Variants in OTUD7A observed in about 807,000 individuals in gnomAD.
The protein encoded by OTUD7A is OTU deubiquitinase 7A.
OTUD7A carries 12 observed loss-of-function variants against 65.7 expected under a neutral mutation model. That is an observed-to-expected ratio of 0.18 (90% CI 0.12 to 0.30). The LOEUF is 0.30. OTUD7A is among the 10% of genes least tolerant of loss of function. The probability of loss-of-function intolerance (pLI) is 1.00; values close to 1 mark genes in which losing one functional copy is unlikely to be tolerated. For synonymous variants in OTUD7A, 641 were observed against 586.3 expected (o/e 1.09, Z -1.35); for missense variants, 1,148 against 1,304.8 (o/e 0.88, Z 1.85).
At chr15:31,542,851 G>C (rs1161460503) in intron 5 of OTUD7A, among the ~76,000 whole-genome samples, 2 of 151,254 alleles carry the variant, frequency 1.3e-5, no homozygotes, top group East Asian at 1.9e-4. Flanking sequence ...TCAATGTGCT[G>C]AATGAAAATA....
chr15:31,561,761 ATC>A (rs942928201), intron 4 of OTUD7A, among the ~76,000 whole-genome samples: 3 of 139,820 alleles, frequency 2.1e-5, no homozygotes, highest in Non-Finnish European at 4.6e-5. Flanking sequence ...CACACATATC[ATC>A]TCTCTCACAC....
At chr15:31,822,124 A>G (rs1896697671) in intron 1 of OTUD7A, among the ~76,000 whole-genome samples, 2 of 152,206 alleles carry the variant, frequency 1.3e-5, no homozygotes, top group Non-Finnish European at 2.9e-5. Context: ...GATCTAATAT[A>G]TTTATTTCTT....
intron 1 of OTUD7A, chr15:31,766,631 T>C: frequency 1.9e-6 from 3 of 1,606,116 alleles, no homozygotes; most frequent in Non-Finnish European, 2.6e-6. Flanking sequence ...CTTCTTGTAC[T>C]ACTTGTTAAA....
At chr15:31,567,664 C>T (rs761273091) in intron 4 of OTUD7A, among the ~76,000 whole-genome samples, 1 of 152,356 alleles carries the variant, frequency 6.6e-6, no homozygotes, top group Non-Finnish European at 1.5e-5. Context: ...TTTCAGAGAC[C>T]TTCACAGCAG....
intron 1 of OTUD7A, among the ~76,000 whole-genome samples, chr15:31,718,690 C>G (rs1381575872): frequency 7.9e-6 from 1 of 127,090 alleles, no homozygotes; most frequent in Admixed American, 7.9e-5. Context: ...ACTTGTTAAA[C>G]AGCCCACTTA....
intron 1 of OTUD7A, among the ~76,000 whole-genome samples, chr15:31,665,234 G>C (rs781113769): frequency 4.6e-5 from 7 of 152,140 alleles, no homozygotes; most frequent in Non-Finnish European, 8.8e-5. Context: ...CACTGAATTT[G>C]TAGATTGCTT....
At chr15:31,758,983 C>A (rs1894888327) in intron 1 of OTUD7A, among the ~76,000 whole-genome samples, 1 of 152,182 alleles carries the variant, frequency 6.6e-6, no homozygotes, top group Non-Finnish European at 1.5e-5. Context: ...GGTTTAGAAT[C>A]ACTGCTCTAG....
intron 5 of OTUD7A, among the ~76,000 whole-genome samples, chr15:31,549,202 C>T (rs943113778): frequency 6.6e-5 from 10 of 151,306 alleles, no homozygotes; most frequent in Middle Eastern, 3.5e-3. Context: ...GCACAGTGTG[C>T]TGTAACATAC....
At position 31,766,940 on chromosome 15, in the gene OTUD7A, T is replaced by G. The variant is rs1015171234; in HGVS notation, c.-100+103567A>C. ...AAAGAATAGCACCTTGGTTTGCTGT[T>G]AGAGGATAGATCACGCATACTACTT... On this transcript the variant is annotated intron_variant, in intron 1 of 12. Transcript: ENST00000307050. 6 of 1,612,026 alleles carry G rather than the reference T, an allele frequency of 3.7e-6. No individual in the cohort carries two copies. In the African/African-American group the frequency reaches 8.0e-5, roughly 22 times the overall value.
chr15:31,858,117 A>G (rs1027205342), intron 1 of OTUD7A, among the ~76,000 whole-genome samples: 1 of 152,170 alleles, frequency 6.6e-6, no homozygotes, highest in Non-Finnish European at 1.5e-5. Context: ...GGGGCAGGTG[A>G]TAAGGAGTAT....
intron 5 of OTUD7A, among the ~76,000 whole-genome samples, chr15:31,554,599 T>C (rs894951641): frequency 1.3e-5 from 2 of 152,186 alleles, no homozygotes; most frequent in African/African-American, 4.8e-5. Context: ...CTAGAGATTT[T>C]TCAACATGCG....
intron 1 of OTUD7A, among the ~76,000 whole-genome samples, chr15:31,711,350 T>G (rs1244676836): frequency 6.6e-6 from 1 of 152,078 alleles, no homozygotes; most frequent in Admixed American, 6.5e-5. Context: ...CATATTCTTT[T>G]CCCGGTTCTG....
intron 1 of OTUD7A, among the ~76,000 whole-genome samples, chr15:31,687,599 C>T (rs745526043): frequency 1.6e-4 from 24 of 152,220 alleles, no homozygotes; most frequent in African/African-American, 2.6e-4. Flanking sequence ...AATGTTTGCT[C>T]GCAGTCACCT....
chr15:31,538,511 A>G (rs970468660), intron 5 of OTUD7A, among the ~76,000 whole-genome samples: 27 of 152,160 alleles, frequency 1.8e-4, no homozygotes, highest in Admixed American at 6.5e-5. Context: ...ACAGGGAGTA[A>G]GTAAACTTGC....
intron 3 of OTUD7A, among the ~76,000 whole-genome samples, chr15:31,635,592 C>T (rs1891316676): frequency 6.6e-6 from 1 of 152,200 alleles, no homozygotes. Context: ...TAACTCCAAC[C>T]TGGATGTTTT....
At chr15:31,617,517 T>C (rs890813751) in intron 3 of OTUD7A, among the ~76,000 whole-genome samples, 53 of 152,000 alleles carry the variant, frequency 3.5e-4, no homozygotes, top group Admixed American at 2.0e-3. Context: ...CTGATAACTC[T>C]GGCAAGACTT....
chr15:31,829,949 C>T (rs968527737), intron 1 of OTUD7A, among the ~76,000 whole-genome samples: 7 of 152,210 alleles, frequency 4.6e-5, no homozygotes, highest in Non-Finnish European at 8.8e-5. Flanking sequence ...TCTTGCCCTT[C>T]TCTTTGTCTT....
At chr15:31,837,553 A>C (rs900243275) in intron 1 of OTUD7A, among the ~76,000 whole-genome samples, 1 of 152,184 alleles carries the variant, frequency 6.6e-6, no homozygotes, top group Non-Finnish European at 1.5e-5. Flanking sequence ...CTCAAAAAAA[A>C]ATAAATAAAA....
Position 31,484,050 on chromosome 15 carries a change from G to A in OTUD7A, c.2046C>T (p.Asp682=), listed in dbSNP as rs749890600. 32 of 1,345,252 alleles carry A rather than the reference G, an allele frequency of 2.4e-5. No homozygotes were observed. Among genetic ancestry groups the A allele is most frequent in the Admixed American group, 3.1e-5 (1 of 32,144 alleles). 83.3% of individuals were successfully genotyped at this position (1,345,252 alleles called of 1,614,324 possible). ...CGGCAGCGGCGGCCGCAGTAGCGGC[G>A]TCGCGGCGCCGCTGCTCCTGCTCGG... is the stretch of plus-strand genomic sequence containing the variant. ...FSAEQEQRRR[D]AATAAAAAAA... The change falls in exon 13 of 13, where the codon GAC becomes GAT. Residue 682 remains aspartate (D), a synonymous_variant. Coordinates refer to ENST00000307050, the MANE Select transcript of OTUD7A (RefSeq NM_001382637.1). The surrounding 1 kb of genome is among the most constrained non-coding windows in gnomAD (Gnocchi z 4.5).
Sources: gnomAD v4.1 joint callset for allele counts (sites outside exome capture counted in the v4.1 genomes callset) on GRCh38, gnomAD v4.1.1 for gene constraint, Gnocchi (gnomAD v3.1) non-coding constraint, MANE v1.5 for transcripts, NCBI Gene and HGNC (gene_info 2026-07-23, HGNC 2026-07-21) for gene names.